Variants in ATF7IP observed in about 807,000 individuals in gnomAD.
ATF7IP encodes activating transcription factor 7-interacting protein 1.
Under a neutral mutation model 106.4 loss-of-function variants are expected in ATF7IP, and 23 were observed. The observed-to-expected ratio is 0.22, with a 90% CI of 0.16 to 0.31. The LOEUF (loss-of-function observed/expected upper bound fraction) is 0.31, where lower values mean the gene tolerates loss of function less well. Among genes scored for constraint, ATF7IP ranks in the 10% least tolerant of loss-of-function variants. The probability of loss-of-function intolerance (pLI) is 1.00; values close to 1 mark genes in which losing one functional copy is unlikely to be tolerated. For synonymous variants in ATF7IP, 542 were observed against 539.0 expected (o/e 1.01, Z -0.08); for missense variants, 1,334 against 1,524.3 (o/e 0.88, Z 2.08).
rs549276142 is a variant in ATF7IP at position 14,451,222 on chromosome 12, T to C, written c.1995+4169T>C. 6.6e-5 allele frequency among the ~76,000 whole-genome samples: 10 copies of C among 152,314 alleles called. No homozygotes were observed. In the East Asian group the frequency reaches 9.6e-4, roughly 15 times the overall value. On this transcript the variant is annotated intron_variant, in intron 6 of 14. Coordinates refer to ENST00000261168, the MANE Select transcript of ATF7IP (RefSeq NM_018179.5). ...AGTCTCTTGTAATCCTTCCCATTTA[T>C]GTAGCATCAGTTCTAATGTCTTCTC...
chr12:14,408,023 T>C (rs1940696000), intron 1 of ATF7IP, among the ~76,000 whole-genome samples: 1 of 152,030 alleles, frequency 6.6e-6, no homozygotes, highest in African/African-American at 2.4e-5. Context: ...AATTTGAGAT[T>C]TTAGAGAAAC....
intron 1 of ATF7IP, among the ~76,000 whole-genome samples, chr12:14,391,505 T>C (rs1018326821): frequency 6.6e-6 from 1 of 152,188 alleles, no homozygotes. Context: ...TAAGTAATTG[T>C]GTAGTTTTGG....
At chr12:14,494,333 A>ATATATATATGTGTGTG (rs1234871100) in intron 13 of ATF7IP, among the ~76,000 whole-genome samples, 9 of 86,006 alleles carry the variant, frequency 1.0e-4, no homozygotes, top group African/African-American at 4.1e-4. Context: ...ATATATATAT[A>ATATATATATGTGTGTG]TGTGTGTGTG....
Position 14,473,288 on chromosome 12 carries a change from C to CTGTATGTGTGTGTGTGTG in ATF7IP, c.2863-2601_2863-2600insGTATGTGTGTGTGTGTGT, listed in dbSNP as rs796814505. 9.3e-4 allele frequency among the ~76,000 whole-genome samples: 130 copies of CTGTATGTGTGTGTGTGTG among 140,426 alleles called. 4 individuals are homozygous for CTGTATGTGTGTGTGTGTG. The highest frequency in any genetic ancestry group is 1.8e-3 in the African/African-American group (67 of 38,156). 92.1% of individuals were successfully genotyped at this position (140,426 alleles called of 152,430 possible). A position where few individuals can be genotyped will look rare whatever the true frequency, so the allele number is the denominator to read the frequency against. On this transcript the variant is annotated intron_variant, in intron 10 of 14. Transcript: ENST00000261168. ...GCTTTTTAGCGCGCTCTCTCTCTCT[C>CTGTATGTGTGTGTGTGTG]TCTGTGTGTGTGTGTGTGTGTGTGT... is the stretch of plus-strand genomic sequence containing the variant.
intron 1 of ATF7IP, among the ~76,000 whole-genome samples, chr12:14,414,914 A>T (rs1392231610): frequency 6.6e-6 from 1 of 152,200 alleles, no homozygotes; most frequent in Non-Finnish European, 1.5e-5. Flanking sequence ...ACGTTTGGAC[A>T]AATGATTTCT....
intron 1 of ATF7IP, among the ~76,000 whole-genome samples, chr12:14,408,116 GCACA>G (rs56229725): frequency 9.4e-5 from 14 of 148,980 alleles, no homozygotes; most frequent in Non-Finnish European, 1.8e-4. Context: ...ATATTGATGT[GCACA>G]CACACACACA....
intron 1 of ATF7IP, among the ~76,000 whole-genome samples, chr12:14,375,447 G>T (rs539556073): frequency 6.6e-6 from 1 of 152,072 alleles, no homozygotes; most frequent in South Asian, 2.1e-4. Context: ...GGAAAAGATG[G>T]AATGATATAA....
Position 14,425,442 on chromosome 12 carries a change from A to C in ATF7IP, c.1527A>C (p.Glu509Asp). Reference protein sequence around the residue: ...EDISGEKDESEVISQNETCSP... With the variant: ...EDISGEKDESDVISQNETCSP... The stretch of plus-strand genomic sequence containing the variant: ...TTTCGGGTGAAAAAGATGAGTCTGA[A>C]GTTATATCGCAAAATGAAACGTGCT... The change falls in exon 2 of 15, where the codon GAA becomes GAC. Residue 509 changes from glutamate (E) to aspartate (D), a missense_variant. Physicochemically the swap from Glu to Asp is conservative, Grantham distance 45. Transcript: ENST00000261168. The C allele has an allele frequency of 6.4e-7, 1 of 1,568,518 alleles. No individual in the cohort carries two copies. The highest frequency in any genetic ancestry group is 8.6e-7 in the Non-Finnish European group (1 of 1,162,158).
chr12:14,441,800 A>C (rs141466293), intron 5 of ATF7IP, among the ~76,000 whole-genome samples: 2,362 of 151,684 alleles, frequency 0.016, 23 homozygotes, highest in Non-Finnish European at 0.019. Flanking sequence ...AGGATACCAA[A>C]CTCACCGCAC....
intron 1 of ATF7IP, among the ~76,000 whole-genome samples, chr12:14,369,494 C>T (rs1051229431): frequency 1.3e-5 from 2 of 152,042 alleles, no homozygotes; most frequent in East Asian, 1.9e-4. Flanking sequence ...GGATTACAGG[C>T]GTGCACCACC....
intron 1 of ATF7IP, among the ~76,000 whole-genome samples, chr12:14,380,260 TA>T (rs1938943910): frequency 6.6e-6 from 1 of 152,188 alleles, no homozygotes; most frequent in African/African-American, 2.4e-5. Flanking sequence ...TTGCTTCATG[TA>T]TTTTTTTTGT....
intron 1 of ATF7IP, among the ~76,000 whole-genome samples, chr12:14,385,869 G>A (rs1284972787): frequency 6.6e-6 from 1 of 151,608 alleles, no homozygotes; most frequent in Admixed American, 6.6e-5. Context: ...TATAAATCAT[G>A]AAAAAAAATT....
chr12:14,447,284 T>G (rs1428574890), intron 6 of ATF7IP, among the ~76,000 whole-genome samples: 7 of 41,822 alleles, frequency 1.7e-4, no homozygotes, highest in Admixed American at 6.9e-4. Flanking sequence ...TGCAATTCTT[T>G]TTTTTTTTTT....
chr12:14,381,716 CTTAA>C (rs541172228), intron 1 of ATF7IP, among the ~76,000 whole-genome samples: 149 of 152,112 alleles, frequency 9.8e-4, no homozygotes, highest in African/African-American at 3.5e-3. Context: ...ATTAGAGCAT[CTTAA>C]TTAAATAAAT....
intron 10 of ATF7IP, among the ~76,000 whole-genome samples, chr12:14,468,112 C>T (rs988442505): frequency 6.6e-6 from 1 of 151,358 alleles, no homozygotes; most frequent in Non-Finnish European, 1.5e-5. Context: ...ACTAAAAAGA[C>T]AAAAATTTGC....
intron 1 of ATF7IP, among the ~76,000 whole-genome samples, chr12:14,380,584 T>C (rs1013986761): frequency 6.6e-6 from 1 of 152,216 alleles, no homozygotes; most frequent in Non-Finnish European, 1.5e-5. Flanking sequence ...AGTCAGGACT[T>C]AGTCCTTCTC....
At chr12:14,367,143 A>T (rs914281830) in intron 1 of ATF7IP, among the ~76,000 whole-genome samples, 1 of 152,174 alleles carries the variant, frequency 6.6e-6, no homozygotes, top group Non-Finnish European at 1.5e-5. Flanking sequence ...ATATACAACA[A>T]CTGGTTTCTT....
At position 14,446,906 on chromosome 12, in the gene ATF7IP, T is replaced by C. The variant is rs369795486; in HGVS notation, c.1930-82T>C. The C allele has an allele frequency of 1.2e-4, 128 of 1,079,982 alleles. 1 individual carries two copies. The African/African-American group carries it at 1.7e-3, about 15-fold the overall frequency. The allele number at this position is 1,079,982 out of a possible 1,614,324, so 66.9% of individuals were successfully genotyped here. On this transcript the variant is annotated intron_variant, in intron 5 of 14. Coordinates refer to ENST00000261168, the MANE Select transcript of ATF7IP (RefSeq NM_018179.5). The stretch of plus-strand genomic sequence containing the variant: ...AGGATCCTGTTTTCTATAGGTTTCT[T>C]TTTATATATTCATGGTTTTTTTTTT...
intron 13 of ATF7IP, among the ~76,000 whole-genome samples, chr12:14,488,673 A>G (rs531757238): frequency 1.8e-4 from 27 of 152,264 alleles, no homozygotes; most frequent in Admixed American, 7.2e-4. Context: ...GTCAACCTGA[A>G]CCCATATACA....
Sources: allele counts gnomAD v4.1 joint callset (sites outside exome capture counted in the v4.1 genomes callset), GRCh38; gene constraint gnomAD v4.1.1; transcripts MANE v1.5; gene names NCBI Gene and HGNC (gene_info 2026-07-23, HGNC 2026-07-21).